The following BTAF1 variants were observed in gnomAD, a reference collection of about 807,000 sequenced individuals.
BTAF1 encodes B-TFIID TATA-box binding protein associated factor 1, also known as TATA-binding protein-associated factor 172.
In BTAF1, 38 loss-of-function variants were observed where a neutral mutation model predicts 227.1. That is an observed-to-expected ratio of 0.17 (90% CI 0.13 to 0.22). The LOEUF (loss-of-function observed/expected upper bound fraction) is 0.22, where lower values mean the gene tolerates loss of function less well. BTAF1 is among the 10% of genes least tolerant of loss of function. The pLI is 1.00. For synonymous variants in BTAF1, 742 were observed against 751.9 expected, an observed-to-expected ratio of 0.99 and a Z score of 0.21; for missense variants, 1,598 against 2,204.0, an observed-to-expected ratio of 0.73 and a Z score of 5.51.
At chr10:91,957,587 T>C (rs1014041177) in intron 8 of BTAF1, among the ~76,000 whole-genome samples, 1 of 152,210 alleles carries the variant, frequency 6.6e-6, no homozygotes, top group African/African-American at 2.4e-5. Context: ...CCTTTGGAAG[T>C]GGACAATTTT....
At chr10:91,959,740 G>GTGTGTGTATATATATATATA (rs1239373067) in intron 9 of BTAF1, 45 bp from the exon 10 acceptor site, 24 of 226,536 alleles carry the variant, frequency 1.1e-4, no homozygotes, top group Non-Finnish European at 4.6e-5. Context: ...GTGTGTGTGT[G>GTGTGTGTATATATATATATA]TATATATATA....
chr10:91,942,135 T>A (rs1845045448), intron 3 of BTAF1, among the ~76,000 whole-genome samples: 1 of 152,114 alleles, frequency 6.6e-6, no homozygotes, highest in Non-Finnish European at 1.5e-5. Flanking sequence ...TAAAAAACAC[T>A]TAGCTAGGCA....
Position 92,029,165 on chromosome 10 carries a change from G to A in BTAF1, c.*232G>A. 2.6e-6 allele frequency: 1 copy of A among 380,568 alleles called. No individual in the cohort carries two copies. 23.6% of individuals were successfully genotyped at this position (380,568 alleles called of 1,614,324 possible). A position where few individuals can be genotyped will look rare whatever the true frequency, so the allele number is the denominator to read the frequency against. ...TGGTTTAAATTTTACATGCTGAAAA[G>A]CTGCAGAGCAGAGGAACCAAACCAG... On this transcript the variant is annotated 3_prime_UTR_variant, in exon 38 of 38. Coordinates refer to ENST00000265990, the MANE Select transcript of BTAF1 (RefSeq NM_003972.3).
chr10:91,967,108 C>T (rs919260341), intron 14 of BTAF1, among the ~76,000 whole-genome samples: 1 of 152,170 alleles, frequency 6.6e-6, no homozygotes, highest in Admixed American at 6.5e-5. Context: ...TGGCAGAACC[C>T]ATGGCCCAGG....
chr10:92,021,409 G>T (rs1348745913), intron 34 of BTAF1, among the ~76,000 whole-genome samples: 1 of 152,150 alleles, frequency 6.6e-6, no homozygotes, highest in Non-Finnish European at 1.5e-5. Context: ...CTATAAGAAC[G>T]GTGTGAATTA....
At chr10:92,001,939 C>T (rs920924624) in intron 25 of BTAF1, among the ~76,000 whole-genome samples, 1 of 114,412 alleles carries the variant, frequency 8.7e-6, no homozygotes, top group Admixed American at 1.1e-4. Context: ...ATGGTGAAAC[C>T]CTGTCTCAAA....
At chr10:91,985,377 G>A (rs11814808) in intron 19 of BTAF1, among the ~76,000 whole-genome samples, 5 of 151,846 alleles carry the variant, frequency 3.3e-5, no homozygotes, top group African/African-American at 1.2e-4. Flanking sequence ...ACTAGTTTAA[G>A]CCATTCTCCC....
intron 25 of BTAF1, among the ~76,000 whole-genome samples, chr10:92,007,108 T>A (rs1849953424): frequency 6.6e-6 from 1 of 151,618 alleles, no homozygotes; most frequent in Non-Finnish European, 1.5e-5. Flanking sequence ...GCAGCAGAAT[T>A]CACAGTTTTT....
chr10:91,935,830 T>C (rs374073350), intron 2 of BTAF1, 50 bp downstream of exon 2: 17 of 1,435,774 alleles, frequency 1.2e-5, no homozygotes, highest in Admixed American at 2.1e-5. Flanking sequence ...AGAGACTTAT[T>C]CATGGATAGG....
intron 1 of BTAF1, among the ~76,000 whole-genome samples, chr10:91,927,652 T>C (rs921535854): frequency 3.3e-5 from 5 of 152,250 alleles, no homozygotes; most frequent in Non-Finnish European, 5.9e-5. Context: ...ATTTTGCTTC[T>C]TGCTTTGGTA....
rs764187439 is a variant in BTAF1 at position 91,982,223 on chromosome 10, C to G, written c.2046C>G (p.Ala682=). ...FVVMRARMMA[A]KLLGALCCCI... ...TTATGCGGGCCAGAATGATGGCAGC[C>G]AAGTGAGTGTACATTAAGTGTCAGG... The change falls in exon 17 of 38, where the codon GCC becomes GCG. Residue 682 remains alanine, a splice_region_variant and synonymous_variant. Transcript: ENST00000265990. 1 of 1,613,838 alleles carries G rather than the reference C, an allele frequency of 6.2e-7. No individual in the cohort carries two copies. The highest frequency in any genetic ancestry group is 8.5e-7 in the Non-Finnish European group (1 of 1,179,824).
intron 5 of BTAF1, among the ~76,000 whole-genome samples, chr10:91,953,240 G>A (rs1845884829): frequency 6.6e-6 from 1 of 152,102 alleles, no homozygotes; most frequent in Admixed American, 6.5e-5. Flanking sequence ...TTCTGTGAAT[G>A]GAAAAGAGCA....
chr10:91,989,076 C>CT, intron 19 of BTAF1, 78 bp from the exon 20 acceptor site: 2 of 1,270,154 alleles, frequency 1.6e-6, no homozygotes, highest in South Asian at 3.1e-5. Flanking sequence ...AGAAAGCTTG[C>CT]TGTCTACCCT....
Position 91,924,068 on chromosome 10 carries a change from C to T in BTAF1, c.-9C>T, listed in dbSNP as rs545108019. 3 of 1,608,130 alleles carry T rather than the reference C, an allele frequency of 1.9e-6. No homozygotes were observed. The highest frequency in any genetic ancestry group is 3.4e-5 in the Admixed American group (2 of 59,396). On this transcript the variant is annotated 5_prime_UTR_variant, in exon 1 of 38. Transcript: ENST00000265990. Reference sequence around the variant, plus strand: ...GTCGCGGGGAGCTCCGAACCGCCGGCGCCCGGCCATGGCGGTCTCCAGGTG... The same window carrying T: ...GTCGCGGGGAGCTCCGAACCGCCGGTGCCCGGCCATGGCGGTCTCCAGGTG...
At chr10:92,003,241 A>AT (rs1185753776) in intron 25 of BTAF1, among the ~76,000 whole-genome samples, 1 of 151,958 alleles carries the variant, frequency 6.6e-6, no homozygotes, top group African/African-American at 2.4e-5. Context: ...TACAGTCATC[A>AT]TTTTTTTGGT....
At chr10:91,999,677 G>T (rs979849153) in intron 25 of BTAF1, among the ~76,000 whole-genome samples, 4 of 152,188 alleles carry the variant, frequency 2.6e-5, no homozygotes, top group Non-Finnish European at 5.9e-5. Context: ...ACAGACGTGA[G>T]CCACCACACC....
chr10:92,012,761 ACT>A (rs1300989263), intron 30 of BTAF1, among the ~76,000 whole-genome samples: 1 of 100,160 alleles, frequency 1.0e-5, no homozygotes, highest in Non-Finnish European at 2.0e-5. Context: ...ACAGAGTGAG[ACT>A]CTGTCTCAAA....
At chr10:91,999,022 C>T (rs146634021) in intron 25 of BTAF1, among the ~76,000 whole-genome samples, 1 of 146,920 alleles carries the variant, frequency 6.8e-6, no homozygotes, top group East Asian at 2.0e-4. Context: ...AAGATGGTGC[C>T]ACTGCACTCC....
chr10:91,952,617 G>A (rs182028151), intron 5 of BTAF1, among the ~76,000 whole-genome samples: 2 of 152,138 alleles, frequency 1.3e-5, no homozygotes, highest in Admixed American at 6.5e-5. Flanking sequence ...GCCTTTATAC[G>A]AATGGCACTT....
Sources: gnomAD v4.1 joint callset for allele counts (sites outside exome capture counted in the v4.1 genomes callset) on GRCh38, gnomAD v4.1.1 for gene constraint, MANE v1.5 for transcripts, NCBI Gene and HGNC (gene_info 2026-07-23, HGNC 2026-07-21) for gene names.